The following NRXN3 variants were observed in gnomAD, a reference collection of about 807,000 sequenced individuals.
The protein encoded by NRXN3 is neurexin 3.
In NRXN3, 32 loss-of-function variants were observed where a neutral mutation model predicts 137.6. That is an observed-to-expected ratio of 0.23 (90% CI 0.18 to 0.31). The LOEUF (loss-of-function observed/expected upper bound fraction) is 0.31, where lower values mean the gene tolerates loss of function less well. Among genes scored for constraint, NRXN3 ranks in the 10% least tolerant of loss-of-function variants. The pLI, the probability that NRXN3 is intolerant of heterozygous loss-of-function variation, is 1.00. For synonymous variants in NRXN3, 798 were observed against 784.5 expected (o/e 1.02, Z -0.29); for missense variants, 1,574 against 2,062.5 (o/e 0.76, Z 4.59).
intron 17 of NRXN3, among the ~76,000 whole-genome samples, chr14:79,686,628 G>C (rs533376577): frequency 6.6e-6 from 1 of 152,116 alleles, no homozygotes; most frequent in African/African-American, 2.4e-5. Context: ...AAGACACCAA[G>C]AGTCATCTAG....
At chr14:79,766,402 CT>C (rs989724604) in intron 19 of NRXN3, among the ~76,000 whole-genome samples, 45 of 152,258 alleles carry the variant, frequency 3.0e-4, no homozygotes, top group South Asian at 8.3e-4. Context: ...TCTGACACCC[CT>C]AATAGACGCT....
rs71131653 is a variant in NRXN3, at chr14:78,506,643, G to GTTTTT, written c.758-138451_758-138447dup. Reference sequence around the variant, plus strand: ...AGGTAATATCTCATATCTCATTGTAGTTTTTTTTTTTTTTTTTTTTTTTTT... The same window carrying GTTTTT: ...AGGTAATATCTCATATCTCATTGTAGTTTTTTTTTTTTTTTTTTTTTTTTTTTTTT... On this transcript the variant is annotated intron_variant, in intron 4 of 20. Coordinates refer to ENST00000335750, the MANE Select transcript of NRXN3 (RefSeq NM_001330195.2). Among the ~76,000 whole-genome samples, 20 of 105,404 alleles carry GTTTTT rather than the reference G, an allele frequency of 1.9e-4. 1 individual carries two copies. Among genetic ancestry groups the GTTTTT allele is most frequent in the African/African-American group, 3.2e-4 (9 of 27,924 alleles). 69.1% of individuals were successfully genotyped at this position (105,404 alleles called of 152,430 possible).
intron 4 of NRXN3, among the ~76,000 whole-genome samples, chr14:78,361,783 T>A (rs2085156376): frequency 6.6e-6 from 1 of 152,232 alleles, no homozygotes; most frequent in African/African-American, 2.4e-5. Context: ...TTGGTACAGC[T>A]CTCACCTCGA....
At chr14:79,844,763 G>A (rs2099363548) in intron 20 of NRXN3, among the ~76,000 whole-genome samples, 1 of 152,134 alleles carries the variant, frequency 6.6e-6, no homozygotes, top group Non-Finnish European at 1.5e-5. Context: ...ATTTTGAAGT[G>A]GCAAATAAGT....
At chr14:78,691,040 A>T (rs1035935383) in intron 6 of NRXN3, among the ~76,000 whole-genome samples, 1 of 152,180 alleles carries the variant, frequency 6.6e-6, no homozygotes, top group East Asian at 1.9e-4. Context: ...TGAGTCTGAA[A>T]ATGAGAGGCA....
intron 16 of NRXN3, among the ~76,000 whole-genome samples, chr14:79,544,124 G>C (rs1350525501): frequency 6.6e-6 from 1 of 152,180 alleles, no homozygotes; most frequent in Non-Finnish European, 1.5e-5. Flanking sequence ...AAATGTCACA[G>C]CGCCCCCATG....
intron 15 of NRXN3, among the ~76,000 whole-genome samples, chr14:79,165,069 C>A (rs763985732): frequency 2.0e-5 from 3 of 151,942 alleles, no homozygotes; most frequent in Non-Finnish European, 4.4e-5. Flanking sequence ...TTAATGAATT[C>A]TTTCTTTGAA....
At chr14:78,410,146 G>C (rs1598358091) in intron 4 of NRXN3, among the ~76,000 whole-genome samples, 1 of 152,296 alleles carries the variant, frequency 6.6e-6, no homozygotes, top group East Asian at 1.9e-4. Context: ...CCTGTTTCTA[G>C]ATCAGTAACT....
intron 4 of NRXN3, among the ~76,000 whole-genome samples, chr14:78,415,104 C>G (rs1374166485): frequency 6.6e-6 from 1 of 152,146 alleles, no homozygotes; most frequent in Non-Finnish European, 1.5e-5. Context: ...ACTTGAGAAA[C>G]AGCTCTAAGA....
chr14:79,394,691 A>T (rs2094960928), intron 15 of NRXN3, among the ~76,000 whole-genome samples: 1 of 152,216 alleles, frequency 6.6e-6, no homozygotes, highest in Admixed American at 6.5e-5. Context: ...GTATTTCTTA[A>T]ATATAAACAT....
chr14:78,552,762 G>A (rs1474024250), intron 4 of NRXN3, among the ~76,000 whole-genome samples: 3 of 152,302 alleles, frequency 2.0e-5, no homozygotes, highest in Non-Finnish European at 4.4e-5. Context: ...CAAATACACC[G>A]TTTGATGGAA....
At chr14:79,007,021 A>G (rs2099554458) in intron 15 of NRXN3, among the ~76,000 whole-genome samples, 1 of 152,208 alleles carries the variant, frequency 6.6e-6, no homozygotes, top group African/African-American at 2.4e-5. Context: ...TATGTGCAGC[A>G]TTTCTTTTTT....
At position 79,234,310 on chromosome 14, in the gene NRXN3, A is replaced by AT. The variant is rs1214423708; in HGVS notation, c.3263-232910dup. Among the ~76,000 whole-genome samples, 479 of 95,436 alleles carry AT rather than the reference A, an allele frequency of 5.0e-3. 12 individuals are homozygous for AT. Among genetic ancestry groups the AT allele is most frequent in the African/African-American group, 0.022 (456 of 20,698 alleles). The allele number at this position is 95,436 out of a possible 152,430, so 62.6% of individuals were successfully genotyped here. ...CAATGGTAAATATATATATATATAT[A>AT]TATATATATATATATATATATATAT... On this transcript the variant is annotated intron_variant, in intron 15 of 20. Coordinates refer to ENST00000335750, the MANE Select transcript of NRXN3 (RefSeq NM_001330195.2).
At chr14:79,409,945 T>G (rs1444056339) in intron 15 of NRXN3, among the ~76,000 whole-genome samples, 1 of 151,884 alleles carries the variant, frequency 6.6e-6, no homozygotes, top group Non-Finnish European at 1.5e-5. Flanking sequence ...GTCCCACTCC[T>G]TCTTGTTTTG....
At chr14:78,550,926 A>G (rs1319363720) in intron 4 of NRXN3, among the ~76,000 whole-genome samples, 3 of 152,226 alleles carry the variant, frequency 2.0e-5, no homozygotes, top group South Asian at 4.1e-4. Context: ...GAGCATGAGT[A>G]TTGCAGAGTC....
intron 19 of NRXN3, among the ~76,000 whole-genome samples, chr14:79,797,643 G>A (rs1344699553): frequency 6.6e-6 from 1 of 152,158 alleles, no homozygotes; most frequent in Non-Finnish European, 1.5e-5. Context: ...AATAAAATAA[G>A]AGTATAGGTA....
chr14:79,556,879 A>G (rs2097434753), intron 16 of NRXN3, among the ~76,000 whole-genome samples: 1 of 152,138 alleles, frequency 6.6e-6, no homozygotes, highest in African/African-American at 2.4e-5. Flanking sequence ...TTTTGGTCCA[A>G]CCCAATGTTG....
intron 4 of NRXN3, among the ~76,000 whole-genome samples, chr14:78,350,059 A>T (rs2083274517): frequency 6.6e-6 from 1 of 152,198 alleles, no homozygotes; most frequent in Admixed American, 6.5e-5. Context: ...AAGCTGAGGC[A>T]GGTGGATCAC....
At chr14:78,760,843 G>A (rs913319531) in intron 8 of NRXN3, among the ~76,000 whole-genome samples, 5 of 152,020 alleles carry the variant, frequency 3.3e-5, no homozygotes, top group African/African-American at 4.8e-5. Flanking sequence ...AAAATGGTTG[G>A]GATTTTCTGT....
Sources: allele counts gnomAD v4.1 joint callset (sites outside exome capture counted in the v4.1 genomes callset), GRCh38; gene constraint gnomAD v4.1.1; transcripts MANE v1.5; gene names NCBI Gene and HGNC (gene_info 2026-07-23, HGNC 2026-07-21).